RICTOR: variants seen among roughly 807,000 people sequenced by gnomAD.
RICTOR encodes the protein RPTOR independent companion of MTOR complex 2.
A neutral mutation model predicts 214.9 loss-of-function variants in RICTOR; 49 were observed. The observed-to-expected ratio is 0.23, with a 90% CI of 0.18 to 0.29. RICTOR has a LOEUF of 0.29. RICTOR is among the 10% of genes least tolerant of loss of function. The pLI, the probability that RICTOR is intolerant of heterozygous loss-of-function variation, is 1.00. For synonymous variants in RICTOR, 717 were observed against 711.3 expected (o/e 1.01, Z -0.13); for missense variants, 1,625 against 2,047.0 (o/e 0.79, Z 3.98).
At chr5:39,034,628 T>C (rs537136262) in intron 2 of RICTOR, among the ~76,000 whole-genome samples, 2 of 152,330 alleles carry the variant, frequency 1.3e-5, no homozygotes, top group Admixed American at 1.3e-4. Flanking sequence ...AATACTGCGC[T>C]GTTCCAATGG....
intron 6 of RICTOR, among the ~76,000 whole-genome samples, chr5:38,996,450 C>T (rs2150092467): frequency 6.6e-6 from 1 of 152,276 alleles, no homozygotes; most frequent in South Asian, 2.1e-4. Flanking sequence ...TTGTGACTTC[C>T]ATTTAATACT....
chr5:38,961,639 C>G (rs964875721), intron 19 of RICTOR, among the ~76,000 whole-genome samples: 3 of 152,070 alleles, frequency 2.0e-5, no homozygotes, highest in Non-Finnish European at 4.4e-5. Context: ...AAAGTTAGTA[C>G]TATGCTTTTT....
At chr5:38,996,797 T>C in intron 6 of RICTOR, 22 bp downstream of exon 6, 1 of 1,519,998 alleles carries the variant, frequency 6.6e-7, no homozygotes. Context: ...ATTTGCCTTT[T>C]ACTCTCACAC....
At chr5:38,979,679 G>A (rs988226189) in intron 8 of RICTOR, among the ~76,000 whole-genome samples, 10 of 152,208 alleles carry the variant, frequency 6.6e-5, no homozygotes, top group Non-Finnish European at 1.2e-4. Flanking sequence ...TCATCTGAAG[G>A]TCTGACTGGA....
At chr5:38,954,295 T>A (rs1439991750) in intron 27 of RICTOR, among the ~76,000 whole-genome samples, 6 of 152,070 alleles carry the variant, frequency 3.9e-5, no homozygotes. Flanking sequence ...AAAGAACAAC[T>A]GCTTGCCTAT....
chr5:38,982,093 A>C (rs2150062162), intron 7 of RICTOR, 57 bp from the exon 8 acceptor site: 1 of 1,302,646 alleles, frequency 7.7e-7, no homozygotes, highest in South Asian at 1.3e-5. Flanking sequence ...AGTAATAAAA[A>C]ATCTAGGCTT....
Position 39,026,071 on chromosome 5 carries a change from C to T in RICTOR, c.98-4935G>A, listed in dbSNP as rs558303469. Among the ~76,000 whole-genome samples, 12 of 152,222 alleles carry T rather than the reference C, an allele frequency of 7.9e-5. No homozygotes were observed. In the East Asian group the frequency reaches 1.4e-3, roughly 17 times the overall value. Reference sequence around the variant, plus strand: ...TTCCTACTCTGTGTTTCCAATTTTCCTTCTCTAAAACTGTCTACGGATAAC... The same window carrying T: ...TTCCTACTCTGTGTTTCCAATTTTCTTTCTCTAAAACTGTCTACGGATAAC... On this transcript the variant is annotated intron_variant, in intron 2 of 37. Transcript: ENST00000357387.
At chr5:39,062,531 G>A (rs1340218920) in intron 2 of RICTOR, among the ~76,000 whole-genome samples, 1 of 151,964 alleles carries the variant, frequency 6.6e-6, no homozygotes, top group Non-Finnish European at 1.5e-5. Flanking sequence ...TTTATTATAT[G>A]AGGGTCAAAC....
intron 2 of RICTOR, among the ~76,000 whole-genome samples, chr5:39,047,569 T>A (rs1757580996): frequency 6.6e-6 from 1 of 152,236 alleles, no homozygotes. Context: ...TATAATGGTA[T>A]CCTGTTTTTA....
intron 6 of RICTOR, among the ~76,000 whole-genome samples, chr5:38,995,851 T>C (rs2150091532): frequency 6.6e-6 from 1 of 152,328 alleles, no homozygotes; most frequent in Non-Finnish European, 1.5e-5. Flanking sequence ...AGTTCGCCTA[T>C]AACAAGAGTC....
At chr5:38,986,067 G>A (rs1021455929) in intron 7 of RICTOR, among the ~76,000 whole-genome samples, 2 of 152,214 alleles carry the variant, frequency 1.3e-5, no homozygotes, top group South Asian at 2.1e-4. Context: ...GATTTGGTTT[G>A]GCTCTGTGTC....
At chr5:38,967,535 G>T in intron 12 of RICTOR, 108 bp from the exon 13 acceptor site, 1 of 759,174 alleles carries the variant, frequency 1.3e-6, no homozygotes. Flanking sequence ...AAAAAGTGCT[G>T]GTTAAATACC....
At chr5:39,055,857 G>A (rs1051634337) in intron 2 of RICTOR, among the ~76,000 whole-genome samples, 5 of 151,942 alleles carry the variant, frequency 3.3e-5, no homozygotes, top group Admixed American at 2.0e-4. Flanking sequence ...AGATAATAAG[G>A]GCCTGAATAA....
At chr5:38,945,850 A>G in intron 33 of RICTOR, 126 bp from the exon 34 acceptor site, 1 of 538,758 alleles carries the variant, frequency 1.9e-6, no homozygotes, top group South Asian at 3.0e-5. Flanking sequence ...TGGAAAGAAA[A>G]AAAGAATAAT....
At chr5:38,975,146 C>T (rs1394764388) in intron 10 of RICTOR, among the ~76,000 whole-genome samples, 1 of 152,110 alleles carries the variant, frequency 6.6e-6, no homozygotes. Flanking sequence ...CTATTAATGG[C>T]CTATCTTGCT....
chr5:39,020,705 C>A (rs1489016415), intron 3 of RICTOR, among the ~76,000 whole-genome samples: 1 of 152,160 alleles, frequency 6.6e-6, no homozygotes, highest in Admixed American at 6.5e-5. Flanking sequence ...CCCACAATAT[C>A]TCCAATGTAT....
At chr5:38,965,418 C>A (rs546568188) in intron 15 of RICTOR, among the ~76,000 whole-genome samples, 3 of 151,998 alleles carry the variant, frequency 2.0e-5, no homozygotes, top group Admixed American at 6.5e-5. Flanking sequence ...TCAATGAAGA[C>A]AAGTACATCG....
At chr5:39,044,462 C>T (rs1176106500) in intron 2 of RICTOR, among the ~76,000 whole-genome samples, 1 of 151,982 alleles carries the variant, frequency 6.6e-6, no homozygotes, top group African/African-American at 2.4e-5. Flanking sequence ...GACTTACTAT[C>T]TTATGAGTAG....
intron 7 of RICTOR, among the ~76,000 whole-genome samples, chr5:38,990,521 T>TAC (rs1339896922): frequency 6.9e-6 from 1 of 144,748 alleles, no homozygotes; most frequent in Non-Finnish European, 1.5e-5. Context: ...ACACGATATA[T>TAC]ATACGATATA....
Sources: allele counts gnomAD v4.1 joint callset (sites outside exome capture counted in the v4.1 genomes callset), GRCh38; gene constraint gnomAD v4.1.1; transcripts MANE v1.5; gene names NCBI Gene and HGNC (gene_info 2026-07-23, HGNC 2026-07-21).